Variants in ZFAND2A observed in about 807,000 individuals in gnomAD.
ZFAND2A encodes zinc finger AN1-type containing 2A.
ZFAND2A carries 20 observed loss-of-function variants against 11.6 expected under a neutral mutation model. The observed-to-expected ratio is 1.72, with a 90% CI of 1.21 to 2.50. The LOEUF (loss-of-function observed/expected upper bound fraction) is 2.50, where lower values mean the gene tolerates loss of function less well. ZFAND2A is among the 30% of genes most tolerant of loss of function. ZFAND2A has a pLI of 0.00. For synonymous variants in ZFAND2A, 93 were observed against 60.6 expected (o/e 1.54, Z -2.48); for missense variants, 234 against 182.9 (o/e 1.28, Z -1.61).
At chr7:1,150,000 G>T (rs531848491), downstream of ZFAND2A, among the ~76,000 whole-genome samples, 5 of 152,020 alleles carry the variant, frequency 3.3e-5, no homozygotes, top group Non-Finnish European at 1.5e-5. Flanking sequence ...TTACAGGCAT[G>T]CACCACCACG....
chr7:1,150,300 TAC>T (rs1013737897), downstream of ZFAND2A, among the ~76,000 whole-genome samples: 21 of 152,070 alleles, frequency 1.4e-4, no homozygotes, highest in African/African-American at 4.3e-4. Context: ...CCCTTCCCGT[TAC>T]ATTTTTAGAT....
At position 1,160,073 on chromosome 7, in the gene ZFAND2A, T is replaced by C. The variant is rs1324436785; in HGVS notation, c.-155A>G. 1 of 153,012 alleles carries C rather than the reference T, an allele frequency of 6.5e-6. No homozygotes were observed. The highest frequency in any genetic ancestry group is 1.5e-5 in the Non-Finnish European group (1 of 68,316). The allele number at this position is 153,012 out of a possible 1,614,324, so 9.5% of individuals were successfully genotyped here. On this transcript the variant is annotated 5_prime_UTR_variant, in exon 1 of 5. Transcript: ENST00000316495. ...TCCGGGTAGCTAAGCAGAAAGAACC[T>C]CGACACTGGCACCGAGACGCCGTCG... is the stretch of plus-strand genomic sequence containing the variant.
At chr7:1,156,138 TGGGGGCTCCG>T in intron 3 of ZFAND2A, among the ~76,000 whole-genome samples, 2 of 120,344 alleles carry the variant, frequency 1.7e-5, no homozygotes, top group Non-Finnish European at 3.3e-5. Context: ...AAACCTGAGC[TGGGGGCTCCG>T]AAGGGGTGGA....
chr7:1,152,145 G>A (rs1331133208), downstream of ZFAND2A: 1 of 1,377,560 alleles, frequency 7.3e-7, no homozygotes. Flanking sequence ...CGCACCACTG[G>A]AGCATCGCGT....
chr7:1,152,242 G>A, downstream of ZFAND2A: 1 of 1,567,428 alleles, frequency 6.4e-7, no homozygotes, highest in Non-Finnish European at 8.7e-7. Context: ...GCGTTCACAT[G>A]AGCCGGGTGA....
Position 1,153,081 on chromosome 7 carries a change from G to C in ZFAND2A, c.426C>G (p.Ile142Met), listed in dbSNP as rs905310409. 1.9e-5 allele frequency: 31 copies of C among 1,614,162 alleles called. No homozygotes were observed. The highest frequency in any genetic ancestry group is 2.5e-5 in the Non-Finnish European group (30 of 1,180,028). ...GCGGAGTCTCTTCTCACCCAGCTTT[G>C]ATGGTGGGGCGACTCCCGTGTCTGC... is the stretch of plus-strand genomic sequence containing the variant. ...HSCRHGSRPT[I>M]KAG The change falls in exon 5 of 5, where the codon ATC becomes ATG. Residue 142 changes from isoleucine (I) to methionine (M), a missense_variant. By Grantham distance (10) the Ile-to-Met change is conservative. Transcript: ENST00000316495.
downstream of ZFAND2A, among the ~76,000 whole-genome samples, chr7:1,149,853 G>GTT (rs11349429): frequency 2.6e-4 from 36 of 139,872 alleles, no homozygotes; most frequent in Non-Finnish European, 3.3e-4. Flanking sequence ...TTGTTCTTAA[G>GTT]TTTTTTTTTT....
downstream of ZFAND2A, among the ~76,000 whole-genome samples, chr7:1,151,762 T>TTTAAAAAAAA (rs1554344524): frequency 1.1e-5 from 1 of 87,158 alleles, no homozygotes; most frequent in African/African-American, 5.6e-5. Context: ...TCATCCCTTT[T>TTTAAAAAAAA]AAAAAAAAAA....
At chr7:1,153,262 T>C (rs750428832) in intron 4 of ZFAND2A, 38 bp from the exon 5 acceptor site, 1 of 1,600,270 alleles carries the variant, frequency 6.2e-7, no homozygotes, top group Non-Finnish European at 8.5e-7. Context: ...CAATTCTTTT[T>C]TTGGAGACAG....
intron 4 of ZFAND2A, among the ~76,000 whole-genome samples, chr7:1,153,826 A>T (rs1340682327): frequency 1.3e-5 from 2 of 152,162 alleles, no homozygotes; most frequent in Non-Finnish European, 2.9e-5. Flanking sequence ...GGTGCCTGTA[A>T]TCCCAGCTAC....
At chr7:1,154,183 A>AT (rs141971953) in intron 4 of ZFAND2A, among the ~76,000 whole-genome samples, 1,660 of 128,828 alleles carry the variant, frequency 0.013, 26 homozygotes, top group African/African-American at 0.035. Context: ...CCCACCGGTC[A>AT]TTTTTTTTTT....
chr7:1,152,556 G>A (rs1295231707), downstream of ZFAND2A, among the ~76,000 whole-genome samples: 1 of 152,200 alleles, frequency 6.6e-6, no homozygotes, highest in East Asian at 1.9e-4. Context: ...ACATGCTGGA[G>A]CCCTAGACTC....
rs765525429 is a variant in ZFAND2A, at chr7:1,157,656, C to A, written c.150G>T (p.Lys50Asn). The change falls in exon 3 of 5, where the codon AAG (lysine) becomes AAT (asparagine). Residue 50 changes from lysine to asparagine, a missense_variant and splice_region_variant. Lys to Asn is a moderately conservative substitution (Grantham distance 94). Coordinates refer to ENST00000316495, the MANE Select transcript of ZFAND2A (RefSeq NM_182491.4). ...ATCTTTTGAACAAAGGATCAATTAC[C>A]TTCTGGAATGCAAACGGACACTTAT... The part of the protein sequence containing the change: ...AAHKCPFAFQ[K>N]DVHVPVCPLC... 6.3e-7 allele frequency: 1 copy of A among 1,576,992 alleles called. No individual in the cohort carries two copies. The highest frequency in any genetic ancestry group is 2.3e-5 in the East Asian group (1 of 42,960).
chr7:1,155,510 C>T lies in ZFAND2A; in HGVS notation c.225G>A (p.Val75=). 2 of 1,613,960 alleles carry T rather than the reference C, an allele frequency of 1.2e-6. No individual in the cohort carries two copies. The highest frequency in any genetic ancestry group is 2.2e-5 in the East Asian group (1 of 44,872). Reference sequence around the variant, plus strand: ...AGTCTCTGTCAATGTGATCACCAACCACCACGTCTGGTATCTGGCCCTTTT... The same window carrying T: ...AGTCTCTGTCAATGTGATCACCAACTACCACGTCTGGTATCTGGCCCTTTT... ...PVKKGQIPDV[V]VGDHIDRDCD... is the part of the protein sequence containing the mutation. The change falls in exon 4 of 5, where the codon GTG becomes GTA. Residue 75 remains valine, a synonymous_variant. Coordinates refer to ENST00000316495, the MANE Select transcript of ZFAND2A (RefSeq NM_182491.4).
chr7:1,150,387 G>C (rs1195682296), downstream of ZFAND2A, among the ~76,000 whole-genome samples: 1 of 152,146 alleles, frequency 6.6e-6, no homozygotes, highest in African/African-American at 2.4e-5. Context: ...GGTGGGCACA[G>C]CTGGATGGCC....
At chr7:1,157,495 A>T in intron 3 of ZFAND2A, 161 bp downstream of exon 3, 1 of 646,834 alleles carries the variant, frequency 1.5e-6, no homozygotes, top group Non-Finnish European at 2.6e-6. Context: ...TGTACTGCCT[A>T]ACAGCAGGCA....
chr7:1,153,160 G>T lies in ZFAND2A; in HGVS notation c.347C>A (p.Ala116Asp), dbSNP rs142087384. Reference sequence around the variant, plus strand: ...GATACAGAAGTTGCCGTGACATTGGGCACATACCATCTGCAGCATCTCTTT... The same window carrying T: ...GATACAGAAGTTGCCGTGACATTGGTCACATACCATCTGCAGCATCTCTTT... ...KKKEMLQMVC[A>D]QCHGNFCIQH... Residue 116 changes from alanine to aspartate, a missense_variant, in exon 5 of 5, where the codon GCC becomes GAC. By Grantham distance (126) the Ala-to-Asp change is moderately radical. Coordinates refer to ENST00000316495, the MANE Select transcript of ZFAND2A (RefSeq NM_182491.4). 7 of 1,614,060 alleles carry T rather than the reference G, an allele frequency of 4.3e-6. No homozygotes were observed. In the African/African-American group the frequency reaches 9.3e-5, roughly 22 times the overall value.
At chr7:1,158,294 A>ACTGC in intron 1 of ZFAND2A, 37 bp from the exon 2 acceptor site, 1 of 1,303,610 alleles carries the variant, frequency 7.7e-7, no homozygotes, top group South Asian at 1.2e-5. Context: ...GGAAAGCTGG[A>ACTGC]CTGCCCTTCA....
intron 3 of ZFAND2A, among the ~76,000 whole-genome samples, chr7:1,156,210 C>T (rs886479118): frequency 7.9e-5 from 5 of 63,560 alleles, no homozygotes; most frequent in Admixed American, 2.8e-4. Flanking sequence ...CTGGGGGCTC[C>T]GAAGGGGTGG....
Sources: gnomAD v4.1 joint callset for allele counts (sites outside exome capture counted in the v4.1 genomes callset) on GRCh38, gnomAD v4.1.1 for gene constraint, MANE v1.5 for transcripts, NCBI Gene and HGNC (gene_info 2026-07-23, HGNC 2026-07-21) for gene names.